NFILZ: variants seen among roughly 807,000 people sequenced by gnomAD.
The protein encoded by NFILZ is NFIL3 like protein.
Position 8,680,463 on chromosome 19 carries a change from GTTTGTACATT to G in NFILZ, c.*2834_*2843del, listed in dbSNP as rs1390674595. Among the ~76,000 whole-genome samples, 2 of 152,096 alleles carry G rather than the reference GTTTGTACATT, an allele frequency of 1.3e-5. No individual in the cohort carries two copies. Among genetic ancestry groups the G allele is most frequent in the South Asian group, 2.1e-4 (1 of 4,820 alleles). ...CGAGTTGGCAGTCTTTTCTTTTGTG[GTTTGTACATT>G]TTTGTCATGTTTAAGACAACTTCCA... On this transcript the variant is annotated 3_prime_UTR_variant, in exon 6 of 6. Transcript: ENST00000691075.
In NFILZ at chr19:8,679,522, G is replaced by T. The variant is rs1229035642; in HGVS notation, c.*1887G>T. ...CTCCAAGTTTATCAGAGCCACAAAT[G>T]TGTGCAGGGTGAGGACGTACAAAGT... On this transcript the variant is annotated 3_prime_UTR_variant, in exon 6 of 6. Transcript: ENST00000691075. Among the ~76,000 whole-genome samples the T allele has an allele frequency of 1.3e-5, 2 of 152,066 alleles. No individual in the cohort carries two copies. Among genetic ancestry groups the T allele is most frequent in the South Asian group, 4.1e-4 (2 of 4,826 alleles).
Position 8,656,333 on chromosome 19 carries a change from T to TCTCCTGCAGCCCAC in NFILZ, c.-163-18216_-163-18215insCCTGCAGCCCACCT, listed in dbSNP as rs2042995973. ...GCGCACCTCCTCCCTGAAGCCCCCT[T>TCTCCTGCAGCCCAC]CTTCCTGAAGCCCACCTCTTCCCTG... On this transcript the variant is annotated intron_variant, in intron 3 of 5. Transcript: ENST00000691075. Among the ~76,000 whole-genome samples, 59 of 71,814 alleles carry TCTCCTGCAGCCCAC rather than the reference T, an allele frequency of 8.2e-4. 3 individuals carry two copies. Among genetic ancestry groups the TCTCCTGCAGCCCAC allele is most frequent in the Admixed American group, 1.6e-3 (11 of 6,972 alleles). 47.1% of individuals were successfully genotyped at this position (71,814 alleles called of 152,430 possible).
At chr19:8,647,322 A>C (rs1253442566) in intron 3 of NFILZ, among the ~76,000 whole-genome samples, 1 of 152,190 alleles carries the variant, frequency 6.6e-6, no homozygotes, top group Non-Finnish European at 1.5e-5. Flanking sequence ...CTGTAATCCC[A>C]GCACTTTGTG....
intron 3 of NFILZ, among the ~76,000 whole-genome samples, chr19:8,667,111 C>A (rs1206439877): frequency 6.6e-6 from 1 of 151,980 alleles, no homozygotes; most frequent in Admixed American, 6.6e-5. Context: ...AAGCCCCATT[C>A]CTTATTAGGG....
At chr19:8,660,791 C>T (rs1002072662) in intron 3 of NFILZ, among the ~76,000 whole-genome samples, 2 of 151,160 alleles carry the variant, frequency 1.3e-5, no homozygotes, top group African/African-American at 2.4e-5. Context: ...GTGCCCACCA[C>T]CATGCCTGGT....
chr19:8,631,603 G>A (rs575546443), intron 1 of NFILZ, among the ~76,000 whole-genome samples: 161 of 152,236 alleles, frequency 1.1e-3, no homozygotes, highest in Non-Finnish European at 1.2e-3. Flanking sequence ...GGTCACAGTG[G>A]GAGGCCGCAG....
chr19:8,676,395 G>T lies in NFILZ; in HGVS notation c.-77G>T, dbSNP rs1244568012. Among the ~76,000 whole-genome samples the T allele has an allele frequency of 2.6e-5, 4 of 152,148 alleles. No individual in the cohort carries two copies. The highest frequency in any genetic ancestry group is 4.8e-5 in the African/African-American group (2 of 41,438). On this transcript the variant is annotated 5_prime_UTR_variant, in exon 5 of 6. The change creates a premature stop within an existing upstream ORF in the 5' untranslated region. Coordinates refer to ENST00000691075, the MANE Select transcript of NFILZ (RefSeq NM_001378600.1). ...CTTCTGTCTCCCTCTGGGTTTCCAA[G>T]AATCTTACCTTGGAACTCCAATTGA...
intron 3 of NFILZ, among the ~76,000 whole-genome samples, chr19:8,652,776 T>C (rs2042969834): frequency 6.6e-6 from 1 of 151,802 alleles, no homozygotes; most frequent in African/African-American, 2.4e-5. Context: ...TTTTTTTCCT[T>C]TCTTTCTTTT....
intron 3 of NFILZ, among the ~76,000 whole-genome samples, chr19:8,665,139 G>A (rs2043055880): frequency 1.3e-5 from 2 of 152,112 alleles, no homozygotes; most frequent in African/African-American, 2.4e-5. Context: ...CTGCAGCAAT[G>A]GTGGAATCCC....
At chr19:8,634,536 C>A (rs1055793661) in intron 2 of NFILZ, among the ~76,000 whole-genome samples, 1 of 152,142 alleles carries the variant, frequency 6.6e-6, no homozygotes, top group Non-Finnish European at 1.5e-5. Flanking sequence ...AAATGCTGGG[C>A]CTTATTATTG....
chr19:8,656,376 G>GC, intron 3 of NFILZ, among the ~76,000 whole-genome samples: 1 of 88,396 alleles, frequency 1.1e-5, no homozygotes, highest in East Asian at 2.2e-4. Flanking sequence ...CCTTCTCCCT[G>GC]AAGCCCACCT....
intron 3 of NFILZ, among the ~76,000 whole-genome samples, chr19:8,663,452 G>GA (rs1302026862): frequency 7.3e-6 from 1 of 137,338 alleles, no homozygotes; most frequent in Non-Finnish European, 1.6e-5. Context: ...GTGGGGAGGG[G>GA]TGGAACTGCC....
chr19:8,658,679 TC>T (rs2043016001), intron 3 of NFILZ, among the ~76,000 whole-genome samples: 1 of 150,848 alleles, frequency 6.6e-6, no homozygotes, highest in Non-Finnish European at 1.5e-5. Context: ...ATTCATTCAT[TC>T]ATTCATTCAT....
chr19:8,648,072 G>A (rs1343270099), intron 3 of NFILZ, among the ~76,000 whole-genome samples: 2 of 150,542 alleles, frequency 1.3e-5, no homozygotes, highest in Admixed American at 6.6e-5. Flanking sequence ...TACTTGGGAG[G>A]CTGAGGCAGG....
chr19:8,671,390 C>T (rs1555750271), intron 3 of NFILZ, among the ~76,000 whole-genome samples: 2 of 151,946 alleles, frequency 1.3e-5, no homozygotes, highest in Non-Finnish European at 2.9e-5. Context: ...CTCTGGGTTC[C>T]TGTGGAGGTG....
chr19:8,650,885 C>A (rs1397866755), intron 3 of NFILZ, among the ~76,000 whole-genome samples: 1 of 152,056 alleles, frequency 6.6e-6, no homozygotes, highest in Non-Finnish European at 1.5e-5. Context: ...TCTTGGTGAA[C>A]TTTGTGTTCT....
In NFILZ at chr19:8,665,490, A is replaced by G. The variant is rs782503050; in HGVS notation, c.-163-9061A>G. The stretch of plus-strand genomic sequence containing the variant: ...ATTCTTCAAACAGGGTATGAGTCCA[A>G]ATTTGTTTTGTATTTCTTAAACATT... On this transcript the variant is annotated intron_variant, in intron 3 of 5. Coordinates refer to ENST00000691075, the MANE Select transcript of NFILZ (RefSeq NM_001378600.1). Among the ~76,000 whole-genome samples, 5 of 152,068 alleles carry G rather than the reference A, an allele frequency of 3.3e-5. 1 individual carries two copies. The highest frequency in any genetic ancestry group is 5.9e-5 in the Non-Finnish European group (4 of 68,002).
At chr19:8,669,355 G>A (rs1453104832) in intron 3 of NFILZ, among the ~76,000 whole-genome samples, 2 of 152,194 alleles carry the variant, frequency 1.3e-5, no homozygotes, top group Non-Finnish European at 2.9e-5. Flanking sequence ...TACAACCAAT[G>A]AGGTAGGTAC....
At chr19:8,663,758 G>GCA (rs2043048045) in intron 3 of NFILZ, among the ~76,000 whole-genome samples, 1 of 148,438 alleles carries the variant, frequency 6.7e-6, no homozygotes, top group East Asian at 2.1e-4. Context: ...GTGTGTGTGT[G>GCA]TGTGTGTGTG....
Sources: gnomAD v4.1 joint callset for allele counts (sites outside exome capture counted in the v4.1 genomes callset) on GRCh38, gnomAD v4.1.1 for gene constraint, MANE v1.5 for transcripts, NCBI Gene and HGNC (gene_info 2026-07-23, HGNC 2026-07-21) for gene names.